PDXDC1: variants seen among roughly 807,000 people sequenced by gnomAD.
PDXDC1 encodes pyridoxal dependent decarboxylase domain containing 1.
In PDXDC1, 42 loss-of-function variants were observed where a neutral mutation model predicts 100.1. The ratio of observed to expected loss-of-function variants is 0.42; its 90% CI spans 0.33 to 0.54. The LOEUF (loss-of-function observed/expected upper bound fraction) is 0.54, where lower values mean the gene tolerates loss of function less well. Ranked by LOEUF, PDXDC1 falls within the 20% of genes least tolerant of loss-of-function variation. The pLI is 0.10. For synonymous variants in PDXDC1, 260 were observed against 371.7 expected (o/e 0.70, Z 3.46); for missense variants, 636 against 979.2 (o/e 0.65, Z 4.68).
chr16:14,980,318 C>T (rs1301729847), intron 1 of PDXDC1, among the ~76,000 whole-genome samples: 4 of 152,188 alleles, frequency 2.6e-5, no homozygotes, highest in East Asian at 1.9e-4. Flanking sequence ...TTTTTTGAGA[C>T]GGAATCTTGC....
At chr16:15,047,592 C>T (rs368295087) in intron 16 of PDXDC1, 37 of 1,387,796 alleles carry the variant, frequency 2.7e-5, no homozygotes, top group Non-Finnish European at 3.6e-5. Flanking sequence ...TTCCCTGATG[C>T]GAGTGCAGTG....
chr16:15,085,247 A>G (rs962721404), intron 16 of PDXDC1, among the ~76,000 whole-genome samples: 10 of 152,258 alleles, frequency 6.6e-5, no homozygotes, highest in Admixed American at 5.9e-4. Context: ...AATGGTAAAT[A>G]TAACAAAAAG....
Position 15,063,704 on chromosome 16 carries a change from CA to C in PDXDC1, c.1399+33666del, listed in dbSNP as rs10664930. ...TGGGAGACAGAGCAAGACTCTGTCT[CA>C]AAAAAAAAAAAAAAAAAGAAAAAAA... On this transcript the variant is annotated intron_variant, in intron 16 of 16. Coordinates refer to the PDXDC1 transcript ENST00000535621. 4.7e-3 allele frequency among the ~76,000 whole-genome samples: 423 copies of C among 89,104 alleles called. 3 individuals carry two copies. Among genetic ancestry groups the C allele is most frequent in the African/African-American group, 0.019 (382 of 19,670 alleles). The allele number at this position is 89,104 out of a possible 152,430, so 58.5% of individuals were successfully genotyped here.
In PDXDC1 at chr16:15,008,761, A is replaced by C. The variant is rs760425264; in HGVS notation, c.580-18A>C. On this transcript the variant is annotated intron_variant, in intron 6 of 22. Transcript: ENST00000396410. The stretch of plus-strand genomic sequence containing the variant: ...GTGCAGAGAGCTTTCTTGTCAAGTC[A>C]TATGTTTCTTCCTGCAGCTCGGCTT... 6.2e-7 allele frequency: 1 copy of C among 1,613,180 alleles called. No individual in the cohort carries two copies. Among genetic ancestry groups the C allele is most frequent in the Non-Finnish European group, 8.5e-7 (1 of 1,179,326 alleles).
At chr16:15,129,333 G>A (rs1422048173) in intron 16 of PDXDC1, among the ~76,000 whole-genome samples, 2 of 151,546 alleles carry the variant, frequency 1.3e-5, no homozygotes, top group African/African-American at 4.8e-5. Context: ...AGCTACTCAG[G>A]AGAATCGCTT....
chr16:15,069,422 C>T (rs1354635406), intron 16 of PDXDC1, among the ~76,000 whole-genome samples: 2 of 152,196 alleles, frequency 1.3e-5, no homozygotes, highest in African/African-American at 2.4e-5. Flanking sequence ...TTTACAATGA[C>T]TTATAAACAC....
chr16:15,079,139 G>A (rs1427803367), intron 16 of PDXDC1, among the ~76,000 whole-genome samples: 1 of 149,148 alleles, frequency 6.7e-6, no homozygotes, highest in Non-Finnish European at 1.5e-5. Context: ...TACCATTAAT[G>A]GCAACACCAA....
At chr16:15,077,929 C>T (rs2045534929) in intron 16 of PDXDC1, among the ~76,000 whole-genome samples, 1 of 152,166 alleles carries the variant, frequency 6.6e-6, no homozygotes, top group African/African-American at 2.4e-5. Flanking sequence ...AATCTCTATG[C>T]ACAAGACACT....
chr16:15,049,507 C>T (rs984514565), intron 16 of PDXDC1, among the ~76,000 whole-genome samples: 2 of 151,850 alleles, frequency 1.3e-5, no homozygotes, highest in African/African-American at 4.8e-5. Context: ...CAGTTCACTG[C>T]AATCTCCACC....
At chr16:15,013,778 G>A (rs542336483) in intron 8 of PDXDC1, among the ~76,000 whole-genome samples, 1 of 152,286 alleles carries the variant, frequency 6.6e-6, no homozygotes, top group East Asian at 1.9e-4. Flanking sequence ...GGGAGGCTGA[G>A]GCAGGAAAAT....
downstream of PDXDC1, among the ~76,000 whole-genome samples, chr16:15,039,751 C>G (rs948883016): frequency 6.6e-5 from 10 of 152,110 alleles, no homozygotes; most frequent in African/African-American, 2.4e-4. Context: ...CCTCCCACAC[C>G]TTTTAGGCAG....
chr16:15,061,520 A>C (rs1713787910), intron 16 of PDXDC1: 1 of 420,432 alleles, frequency 2.4e-6, no homozygotes, highest in Non-Finnish European at 4.2e-6. Flanking sequence ...CCACTGTAAA[A>C]GATTGCACAT....
downstream of PDXDC1, among the ~76,000 whole-genome samples, chr16:15,143,889 A>T (rs191106711): frequency 8.8e-4 from 134 of 152,314 alleles, 2 homozygotes; most frequent in East Asian, 0.021. Context: ...AAACATCTGC[A>T]CATTCCAGAC....
At chr16:15,041,758 G>T (rs993578442), downstream of PDXDC1, 11 of 1,012,352 alleles carry the variant, frequency 1.1e-5, no homozygotes, top group African/African-American at 1.7e-4. Flanking sequence ...CAACGACAGG[G>T]AGGGACGGCA....
chr16:15,130,906 C>T, intron 16 of PDXDC1: 1 of 713,092 alleles, frequency 1.4e-6, no homozygotes, highest in Non-Finnish European at 2.4e-6. Context: ...CCATAGGAGC[C>T]TCTGCACCAG....
intron 13 of PDXDC1, among the ~76,000 whole-genome samples, chr16:15,023,920 C>A (rs1389437838): frequency 4.6e-5 from 7 of 152,286 alleles, no homozygotes; most frequent in Admixed American, 1.3e-4. Context: ...GCCGGTTGGT[C>A]TCCTCTGATT....
intron 11 of PDXDC1, among the ~76,000 whole-genome samples, 191 bp from the exon 12 acceptor site, chr16:15,018,649 A>T (rs1427498682): frequency 6.6e-6 from 1 of 152,186 alleles, no homozygotes; most frequent in African/African-American, 2.4e-5. Context: ...CCCTTGGACA[A>T]ACCGAGGTCT....
intron 1 of PDXDC1, among the ~76,000 whole-genome samples, chr16:14,992,083 A>G (rs1475381809): frequency 2.0e-5 from 3 of 152,292 alleles, no homozygotes; most frequent in Non-Finnish European, 4.4e-5. Context: ...AAGCACATCT[A>G]TAAAACAATT....
downstream of PDXDC1, chr16:15,038,453 C>T (rs1369645247): frequency 6.1e-6 from 4 of 654,430 alleles, no homozygotes; most frequent in Non-Finnish European, 1.1e-5. Flanking sequence ...TCAATGGCAT[C>T]CAAAAAGTTA....
Sources: gnomAD v4.1 joint callset for allele counts (sites outside exome capture counted in the v4.1 genomes callset) on GRCh38, gnomAD v4.1.1 for gene constraint, MANE v1.5 for transcripts, NCBI Gene and HGNC (gene_info 2026-07-23, HGNC 2026-07-21) for gene names.